Variants in KAZN observed in about 807,000 individuals in gnomAD.
KAZN encodes kazrin, periplakin interacting protein.
In KAZN, 40 loss-of-function variants were observed where a neutral mutation model predicts 87.4. The ratio of observed to expected loss-of-function variants is 0.46; its 90% CI spans 0.36 to 0.60. KAZN has a LOEUF of 0.60. Ranked by LOEUF, KAZN falls within the 20% of genes least tolerant of loss-of-function variation. The pLI is 0.00. For synonymous variants in KAZN, 466 were observed against 458.3 expected, an observed-to-expected ratio of 1.02 and a Z score of -0.22; for missense variants, 898 against 1,073.9, an observed-to-expected ratio of 0.84 and a Z score of 2.29.
At chr1:14,360,652 T>C (rs1659427147) in intron 2 of KAZN, among the ~76,000 whole-genome samples, 2 of 150,296 alleles carry the variant, frequency 1.3e-5, no homozygotes, top group African/African-American at 4.9e-5. Flanking sequence ...TCTTTGGTGT[T>C]ATGCTATTCC....
In KAZN at chr1:15,021,470, A is replaced by C. The variant is rs1050383466; in HGVS notation, c.419-13279A>C. On this transcript the variant is annotated intron_variant, in intron 2 of 14. Transcript: ENST00000376030. This position sits in a 1 kb window ranked among gnomAD's most constrained non-coding sequence, Gnocchi z 4.2. ...CTCCCCTTCAGAGGCTGGAAAACAA[A>C]CACCACCCGCTCCCAGTCCCGGCCC... Among the ~76,000 whole-genome samples the C allele has an allele frequency of 6.6e-6, 1 of 152,066 alleles. No homozygotes were observed. The highest frequency in any genetic ancestry group is 2.4e-5 in the African/African-American group (1 of 41,402).
At chr1:14,764,266 C>A (rs768608287) in intron 1 of KAZN, among the ~76,000 whole-genome samples, 10 of 151,938 alleles carry the variant, frequency 6.6e-5, no homozygotes, top group African/African-American at 9.7e-5. Context: ...TTCAGAGGCC[C>A]CCACAGCTGA....
At chr1:15,009,521 GT>G (rs1354521721) in intron 2 of KAZN, among the ~76,000 whole-genome samples, 1 of 152,178 alleles carries the variant, frequency 6.6e-6, no homozygotes, top group Non-Finnish European at 1.5e-5. Flanking sequence ...AATGAGCCCA[GT>G]CCTCTTGCTA....
intron 1 of KAZN, among the ~76,000 whole-genome samples, chr1:14,159,401 T>C (rs1041693570): frequency 2.0e-5 from 3 of 152,184 alleles, no homozygotes; most frequent in Non-Finnish European, 4.4e-5. Flanking sequence ...CACAGGTCCA[T>C]GCATAGTACT....
At chr1:13,955,673 G>C (rs1047679643) in intron 1 of KAZN, among the ~76,000 whole-genome samples, 2 of 152,172 alleles carry the variant, frequency 1.3e-5, no homozygotes, top group African/African-American at 4.8e-5. Context: ...CTTAAAGCCA[G>C]CTTGCTTTTC....
intron 1 of KAZN, among the ~76,000 whole-genome samples, chr1:14,846,546 T>C (rs975463504): frequency 6.6e-6 from 1 of 152,124 alleles, no homozygotes; most frequent in Non-Finnish European, 1.5e-5. Flanking sequence ...AATCTAGGTA[T>C]TATTGGCCAA....
chr1:14,141,233 AT>A (rs35422014), intron 1 of KAZN, among the ~76,000 whole-genome samples: 76,289 of 142,682 alleles, frequency 0.53, 22,025 homozygotes, highest in East Asian at 0.72. Flanking sequence ...AGTGATTACC[AT>A]TTAAAAAAAA....
chr1:14,913,609 A>G (rs6699251), intron 1 of KAZN, among the ~76,000 whole-genome samples: 2,965 of 152,334 alleles, frequency 0.019, 98 homozygotes, highest in African/African-American at 0.068. Flanking sequence ...TCTCTGCCTT[A>G]CTGTCTGGGC....
intron 7 of KAZN, among the ~76,000 whole-genome samples, chr1:15,065,027 CTTTTT>C (rs780410306): frequency 2.9e-5 from 3 of 102,754 alleles, no homozygotes; most frequent in South Asian, 3.3e-4. Context: ...CTTTTTCTTT[CTTTTT>C]TTTTTTTTTT....
intron 1 of KAZN, among the ~76,000 whole-genome samples, chr1:14,941,592 C>G (rs368418868): frequency 6.6e-6 from 1 of 151,884 alleles, no homozygotes. Context: ...TTTTTTTTAC[C>G]CTGCTTCCCC....
intron 2 of KAZN, among the ~76,000 whole-genome samples, chr1:14,512,699 G>A (rs1380018177): frequency 1.3e-5 from 2 of 152,212 alleles, no homozygotes; most frequent in Admixed American, 6.5e-5. Flanking sequence ...CTGCTGTTCC[G>A]ACACCCACTG....
chr1:14,804,157 C>G (rs1008013093), intron 1 of KAZN, among the ~76,000 whole-genome samples: 7 of 152,196 alleles, frequency 4.6e-5, no homozygotes, highest in Admixed American at 3.3e-4. Flanking sequence ...TGTGCTGTCC[C>G]CCTCCACACT....
chr1:15,046,905 G>C (rs1010379932), intron 4 of KAZN, among the ~76,000 whole-genome samples: 1 of 152,224 alleles, frequency 6.6e-6, no homozygotes, highest in African/African-American at 2.4e-5. Context: ...CTTGTGGACA[G>C]ACAGATATGT....
chr1:14,062,903 G>A (rs552621706), intron 1 of KAZN, among the ~76,000 whole-genome samples: 16 of 152,256 alleles, frequency 1.1e-4, no homozygotes, highest in South Asian at 4.1e-4. Flanking sequence ...GGCAGTGGAG[G>A]GTGAGCAATT....
intron 2 of KAZN, among the ~76,000 whole-genome samples, chr1:14,449,276 C>T (rs1399642488): frequency 1.3e-5 from 2 of 152,194 alleles, no homozygotes; most frequent in African/African-American, 2.4e-5. Flanking sequence ...AGCTGCCCCA[C>T]GAGTTGCTGG....
chr1:15,023,618 C>G (rs866515046), intron 2 of KAZN, among the ~76,000 whole-genome samples: 3 of 152,080 alleles, frequency 2.0e-5, no homozygotes, highest in African/African-American at 7.2e-5. Flanking sequence ...TTTGCGCTCC[C>G]CCTTGATGGG....
Position 15,050,159 on chromosome 1 carries a change from G to GATAGAATA in KAZN, c.727-5932_727-5931insATAGAATA, listed in dbSNP as rs201481507. ...TCTCAATAGAATAATAGAATAGAAT[G>GATAGAATA]GAATAGAATAGAATAGAATAGAATA... On this transcript the variant is annotated intron_variant, in intron 4 of 14. Transcript: ENST00000376030. Among the ~76,000 whole-genome samples, 88 of 131,332 alleles carry GATAGAATA rather than the reference G, an allele frequency of 6.7e-4. 2 individuals are homozygous for GATAGAATA. Among genetic ancestry groups the GATAGAATA allele is most frequent in the East Asian group, 4.7e-3 (22 of 4,702 alleles). The allele number at this position is 131,332 out of a possible 152,430, so 86.2% of individuals were successfully genotyped here.
chr1:14,015,585 A>G (rs1446510057), intron 1 of KAZN, among the ~76,000 whole-genome samples: 1 of 136,780 alleles, frequency 7.3e-6, no homozygotes, highest in Non-Finnish European at 1.5e-5. Context: ...GGTTCAAGCA[A>G]TTCTCCTGCC....
intron 1 of KAZN, among the ~76,000 whole-genome samples, chr1:14,700,809 A>G (rs1641880494): frequency 6.6e-6 from 1 of 152,148 alleles, no homozygotes; most frequent in Admixed American, 6.5e-5. Flanking sequence ...GGAGCCAGAA[A>G]GGATCCAGTG....
Sources: allele counts gnomAD v4.1 joint callset (sites outside exome capture counted in the v4.1 genomes callset), GRCh38; gene constraint gnomAD v4.1.1; non-coding constraint Gnocchi (gnomAD v3.1); transcripts MANE v1.5; gene names NCBI Gene and HGNC (gene_info 2026-07-23, HGNC 2026-07-21).